FREM1: variants seen among roughly 807,000 people sequenced by gnomAD.
FREM1 encodes FRAS1-related extracellular matrix protein 1.
Under a neutral mutation model 210.1 loss-of-function variants are expected in FREM1, and 220 were observed. That is an observed-to-expected ratio of 1.05 (90% CI 0.94 to 1.17). The LOEUF (loss-of-function observed/expected upper bound fraction) is 1.17, where lower values mean the gene tolerates loss of function less well. FREM1 is among the 50% of genes most tolerant of loss of function. FREM1 has a pLI of 0.00. For missense variants in FREM1, 3,454 were observed against 2,675.5 expected, an observed-to-expected ratio of 1.29 and a Z score of -6.42; for synonymous variants, 1,189 against 980.2, an observed-to-expected ratio of 1.21 and a Z score of -3.98.
chr9:14,862,280 T>C (rs1830730369), intron 3 of FREM1, among the ~76,000 whole-genome samples: 1 of 152,244 alleles, frequency 6.6e-6, no homozygotes, highest in African/African-American at 2.4e-5. Context: ...TCATAAATGT[T>C]TGTAGAATGG....
intron 36 of FREM1, among the ~76,000 whole-genome samples, chr9:14,737,923 T>C (rs1249898748): frequency 6.6e-6 from 1 of 152,214 alleles, no homozygotes; most frequent in Non-Finnish European, 1.5e-5. Flanking sequence ...TGTAAAGCTC[T>C]TGGCATATAT....
chr9:14,890,821 C>T (rs1278113100), intron 1 of FREM1, among the ~76,000 whole-genome samples: 1 of 152,200 alleles, frequency 6.6e-6, no homozygotes, highest in Non-Finnish European at 1.5e-5. Flanking sequence ...CCTCAACTTA[C>T]AGTTCTGTTT....
At chr9:14,887,282 G>A (rs979910202) in intron 1 of FREM1, among the ~76,000 whole-genome samples, 1 of 152,118 alleles carries the variant, frequency 6.6e-6, no homozygotes, top group African/African-American at 2.4e-5. Context: ...AGGTTATATA[G>A]GCAATAAAAA....
Position 14,823,154 on chromosome 9 carries a change from A to G in FREM1, c.2337+6T>C, listed in dbSNP as rs1821690772. ...TTTCATCCTCTATATAGAACATTGTACATACCTCAGGAACTTGATTGTCCA... is the reference window on the plus strand; with the variant it reads ...TTTCATCCTCTATATAGAACATTGTGCATACCTCAGGAACTTGATTGTCCA... On this transcript the variant is annotated splice_donor_region_variant and intron_variant, in intron 13 of 36. Transcript: ENST00000380880. 3 of 1,610,546 alleles carry G rather than the reference A, an allele frequency of 1.9e-6. No individual in the cohort carries two copies. In the South Asian group the frequency reaches 3.3e-5, roughly 18 times the overall value.
At chr9:14,743,043 C>G (rs1334863484) in intron 35 of FREM1, among the ~76,000 whole-genome samples, 2 of 151,996 alleles carry the variant, frequency 1.3e-5, no homozygotes, top group African/African-American at 4.8e-5. Context: ...ATCCAATAAG[C>G]TAATGCATGT....
In FREM1 at chr9:14,799,286, C is replaced by CA. The variant is rs976865147; in HGVS notation, c.3695-1645dup. Among the ~76,000 whole-genome samples the CA allele has an allele frequency of 9.7e-3, 1,218 of 125,530 alleles. 11 individuals are homozygous for CA. The highest frequency in any genetic ancestry group is 0.03 in the African/African-American group (1,008 of 33,856). 82.4% of individuals were successfully genotyped at this position (125,530 alleles called of 152,430 possible). The stretch of plus-strand genomic sequence containing the variant: ...AAGTGACAGTGCAAGACCCTGTCTC[C>CA]AAAAAAAAAAAAGGTAAGAAGAAAA... On this transcript the variant is annotated intron_variant, in intron 20 of 36. Coordinates refer to ENST00000380880, the MANE Select transcript of FREM1 (RefSeq NM_001379081.2).
chr9:14,770,490 G>A, intron 26 of FREM1, 115 bp downstream of exon 26: 2 of 705,380 alleles, frequency 2.8e-6, no homozygotes, highest in South Asian at 3.6e-5. Context: ...GCATCTATCA[G>A]TAAGCCCTGG....
At chr9:14,835,597 A>C (rs1288540426) in intron 10 of FREM1, among the ~76,000 whole-genome samples, 1 of 152,194 alleles carries the variant, frequency 6.6e-6, no homozygotes, top group Non-Finnish European at 1.5e-5. Flanking sequence ...CTATGAGTTT[A>C]TCTTGGGACC....
intron 36 of FREM1, among the ~76,000 whole-genome samples, chr9:14,739,112 A>C (rs1207766541): frequency 6.6e-6 from 1 of 150,678 alleles, no homozygotes; most frequent in Non-Finnish European, 1.5e-5. Context: ...ATTTATTATT[A>C]TTATTATTTG....
In FREM1 at chr9:14,805,139, C is replaced by A; in HGVS notation, c.3288G>T (p.Trp1096Cys). The part of the protein sequence containing the change: ...NIGISIDSFQ[W>C]KDMNAFHINY... ...TAATGTGAAAAGCGTTCATGTCTTT[C>A]CACTGAAATGAATCTAGAGCACACC... The change falls in exon 19 of 37, where the codon TGG becomes TGT. Residue 1096 changes from tryptophan to cysteine, a missense_variant. Coordinates refer to ENST00000380880, the MANE Select transcript of FREM1 (RefSeq NM_001379081.2). 6.4e-7 allele frequency: 1 copy of A among 1,564,300 alleles called. No individual in the cohort carries two copies. The highest frequency in any genetic ancestry group is 8.7e-7 in the Non-Finnish European group (1 of 1,153,588).
At position 14,746,952 on chromosome 9, in the gene FREM1, C is replaced by T. The variant is rs201502030; in HGVS notation, c.6109G>A (p.Ala2037Thr). 143 of 1,613,054 alleles carry T rather than the reference C, an allele frequency of 8.9e-5. No homozygotes were observed. Among genetic ancestry groups the T allele is most frequent in the African/African-American group, 1.2e-4 (9 of 74,878 alleles). ...GTTTGGGGACTCCAGGCTTTCCAGG[C>T]GATCCCATTGCACTGATACAGCTTC... ...IQKLYQCNGI[A>T]WKAWSPQTKD... The change falls in exon 34 of 37, where the codon GCC becomes ACC. Residue 2037 changes from alanine (A) to threonine (T), a missense_variant. By Grantham distance (58) the Ala-to-Thr change is moderately conservative (BLOSUM62 0). Coordinates refer to ENST00000380880, the MANE Select transcript of FREM1 (RefSeq NM_001379081.2).
At chr9:14,807,674 GAC>G (rs34499233) in intron 17 of FREM1, among the ~76,000 whole-genome samples, 62,934 of 149,526 alleles carry the variant, frequency 0.42, 13,871 homozygotes, top group East Asian at 0.7. Flanking sequence ...CACACACAAA[GAC>G]ACACACACAC....
intron 5 of FREM1, among the ~76,000 whole-genome samples, chr9:14,851,997 G>A (rs982345273): frequency 2.0e-5 from 3 of 152,090 alleles, no homozygotes; most frequent in African/African-American, 7.2e-5. Flanking sequence ...TTTCTTTCCA[G>A]CTGTAAATGA....
At chr9:14,861,166 CAT>C (rs1383621351) in intron 3 of FREM1, among the ~76,000 whole-genome samples, 1 of 128,586 alleles carries the variant, frequency 7.8e-6, no homozygotes, top group South Asian at 2.4e-4. Flanking sequence ...CGTATATACA[CAT>C]GTATGTACAT....
At chr9:14,840,155 G>C (rs1273653791) in intron 10 of FREM1, among the ~76,000 whole-genome samples, 3 of 152,196 alleles carry the variant, frequency 2.0e-5, no homozygotes, top group African/African-American at 7.2e-5. Flanking sequence ...CTATGCATTA[G>C]CTAATGTCAG....
At chr9:14,857,339 A>G (rs570010370) in intron 5 of FREM1, among the ~76,000 whole-genome samples, 1 of 152,326 alleles carries the variant, frequency 6.6e-6, no homozygotes, top group South Asian at 2.1e-4. Context: ...TGGACCTAGA[A>G]GAGAACCAGA....
intron 1 of FREM1, among the ~76,000 whole-genome samples, chr9:14,907,226 A>C (rs1817889811): frequency 6.6e-6 from 1 of 152,160 alleles, no homozygotes; most frequent in Non-Finnish European, 1.5e-5. Flanking sequence ...AAAGCACATA[A>C]ATCACACCTA....
At chr9:14,794,073 A>C (rs149239383) in intron 21 of FREM1, among the ~76,000 whole-genome samples, 12 of 152,304 alleles carry the variant, frequency 7.9e-5, no homozygotes, top group African/African-American at 2.9e-4. Flanking sequence ...TTCTGGTCAG[A>C]ATGAAATGTT....
intron 3 of FREM1, among the ~76,000 whole-genome samples, chr9:14,860,886 C>CGTATATACGTATATATACGT (rs1259253698): frequency 1.6e-5 from 1 of 61,332 alleles, no homozygotes; most frequent in African/African-American, 1.1e-4. Flanking sequence ...TATATATACA[C>CGTATATACGTATATATACGT]ATATATACAT....
Sources: allele counts gnomAD v4.1 joint callset (sites outside exome capture counted in the v4.1 genomes callset), GRCh38; gene constraint gnomAD v4.1.1; transcripts MANE v1.5; gene names NCBI Gene and HGNC (gene_info 2026-07-23, HGNC 2026-07-21).